The following FGGY variants were observed in gnomAD, a reference collection of about 807,000 sequenced individuals.
FGGY encodes the protein FGGY carbohydrate kinase domain containing, also known as FGGY carbohydrate kinase domain-containing protein.
In FGGY, 72 loss-of-function variants were observed where a neutral mutation model predicts 71.3. That is an observed-to-expected ratio of 1.01 (90% CI 0.84 to 1.23). The LOEUF is 1.23. FGGY is among the 50% of genes most tolerant of loss of function. The pLI, the probability that FGGY is intolerant of heterozygous loss-of-function variation, is 0.00. For synonymous variants in FGGY, 251 were observed against 250.3 expected (o/e 1.00, Z -0.02); for missense variants, 668 against 682.3 (o/e 0.98, Z 0.23).
intron 6 of FGGY, among the ~76,000 whole-genome samples, chr1:59,507,347 A>C (rs2094412547): frequency 6.6e-6 from 1 of 152,218 alleles, no homozygotes; most frequent in Non-Finnish European, 1.5e-5. Context: ...TGTATGAAGA[A>C]ACCTTTAGGC....
At chr1:59,499,073 T>G (rs1056127214) in intron 6 of FGGY, among the ~76,000 whole-genome samples, 4 of 152,176 alleles carry the variant, frequency 2.6e-5, no homozygotes, top group African/African-American at 9.7e-5. Flanking sequence ...TCTCTCACCA[T>G]AGGTTAATGT....
intron 6 of FGGY, among the ~76,000 whole-genome samples, chr1:59,495,227 A>G (rs1326260209): frequency 6.6e-6 from 1 of 152,104 alleles, no homozygotes; most frequent in Non-Finnish European, 1.5e-5. Context: ...TATTCTGGGT[A>G]TTAATCCTTT....
chr1:59,466,203 C>T (rs1378208856), intron 6 of FGGY, among the ~76,000 whole-genome samples: 1 of 152,140 alleles, frequency 6.6e-6, no homozygotes, highest in Non-Finnish European at 1.5e-5. Flanking sequence ...TAACACCACA[C>T]ATCTACAACC....
intron 8 of FGGY, among the ~76,000 whole-genome samples, chr1:59,586,234 A>T (rs1268427349): frequency 6.6e-6 from 1 of 152,224 alleles, no homozygotes; most frequent in East Asian, 1.9e-4. Flanking sequence ...GGCACTATTC[A>T]CAATAGCAAA....
intron 7 of FGGY, among the ~76,000 whole-genome samples, chr1:59,530,607 A>T (rs1409052150): frequency 2.0e-5 from 3 of 152,178 alleles, no homozygotes; most frequent in African/African-American, 7.2e-5. Context: ...TTGGTTTGAC[A>T]CTTAAAGATG....
At chr1:59,703,650 G>A (rs1158957875) in intron 14 of FGGY, among the ~76,000 whole-genome samples, 1 of 152,190 alleles carries the variant, frequency 6.6e-6, no homozygotes, top group Non-Finnish European at 1.5e-5. Flanking sequence ...AGAAGAATAG[G>A]AAGGCTAGTC....
chr1:59,330,305 G>T (rs1170314039), intron 2 of FGGY, among the ~76,000 whole-genome samples: 5 of 152,032 alleles, frequency 3.3e-5, no homozygotes, highest in East Asian at 1.9e-4. Context: ...AAAATGAAGG[G>T]TCAAAAGAAA....
chr1:59,478,905 G>C (rs1161253461), intron 6 of FGGY, among the ~76,000 whole-genome samples: 1 of 152,156 alleles, frequency 6.6e-6, no homozygotes. Context: ...CAAGGATGCT[G>C]AAAAAGGAAG....
chr1:59,562,236 T>C lies in FGGY; in HGVS notation c.903+8009T>C, dbSNP rs72917760. Reference sequence around the variant, plus strand: ...TCCAGCACTGGAAACAACCGAGATATCTTTCAAGAGTGAATAGATCAACTC... The same window carrying C: ...TCCAGCACTGGAAACAACCGAGATACCTTTCAAGAGTGAATAGATCAACTC... On this transcript the variant is annotated intron_variant, in intron 8 of 15. Transcript: ENST00000303721. Among the ~76,000 whole-genome samples, 188 of 152,302 alleles carry C rather than the reference T, an allele frequency of 1.2e-3. 1 individual carries two copies. The highest frequency in any genetic ancestry group is 4.3e-3 in the African/African-American group (177 of 41,564).
chr1:59,731,865 C>G (rs1268575189), intron 14 of FGGY, among the ~76,000 whole-genome samples: 2 of 152,132 alleles, frequency 1.3e-5, no homozygotes, highest in Non-Finnish European at 2.9e-5. Flanking sequence ...TGTTTAAGCT[C>G]TCTTCCCAAT....
chr1:59,508,101 C>A, intron 6 of FGGY, among the ~76,000 whole-genome samples: 1 of 152,202 alleles, frequency 6.6e-6, no homozygotes, highest in East Asian at 1.9e-4. Context: ...CAATCTCCAA[C>A]TTGCCTTTCC....
intron 10 of FGGY, among the ~76,000 whole-genome samples, chr1:59,632,413 G>A (rs1572370648): frequency 6.6e-6 from 1 of 152,002 alleles, no homozygotes; most frequent in Non-Finnish European, 1.5e-5. Flanking sequence ...TTCCTCTGAG[G>A]ACAGCTAATT....
chr1:59,569,367 A>G (rs6666691), intron 8 of FGGY, among the ~76,000 whole-genome samples: 1 of 152,216 alleles, frequency 6.6e-6, no homozygotes, highest in Non-Finnish European at 1.5e-5. Flanking sequence ...ACAATAGAAT[A>G]TATTTCCACA....
intron 5 of FGGY, among the ~76,000 whole-genome samples, chr1:59,430,740 TGTC>T (rs2067200843): frequency 6.6e-6 from 1 of 152,170 alleles, no homozygotes; most frequent in Non-Finnish European, 1.5e-5. Context: ...TATATCTCAG[TGTC>T]GTCAGAGTAC....
intron 8 of FGGY, among the ~76,000 whole-genome samples, chr1:59,584,574 G>T (rs2096251696): frequency 6.7e-6 from 1 of 149,902 alleles, no homozygotes; most frequent in Non-Finnish European, 1.5e-5. Context: ...TACTGAATGG[G>T]CAAAAACTGG....
chr1:59,501,665 C>G (rs548798150), intron 6 of FGGY, among the ~76,000 whole-genome samples: 3 of 152,310 alleles, frequency 2.0e-5, no homozygotes, highest in African/African-American at 7.2e-5. Flanking sequence ...TAAAATAACT[C>G]TAAAGAGAAC....
chr1:59,365,589 A>G (rs527290320), intron 4 of FGGY, among the ~76,000 whole-genome samples: 1 of 152,300 alleles, frequency 6.6e-6, no homozygotes, highest in Admixed American at 6.5e-5. Flanking sequence ...GAACTCAAAC[A>G]TTGGGCTGGG....
At chr1:59,660,665 A>C (rs1572805844) in intron 12 of FGGY, among the ~76,000 whole-genome samples, 1 of 152,348 alleles carries the variant, frequency 6.6e-6, no homozygotes, top group East Asian at 1.9e-4. Context: ...CACTTTGCAA[A>C]AGGATTCATG....
intron 14 of FGGY, among the ~76,000 whole-genome samples, chr1:59,752,410 A>G (rs2098253451): frequency 1.3e-5 from 2 of 152,012 alleles, no homozygotes; most frequent in Admixed American, 1.3e-4. Context: ...ATAGATGGTG[A>G]CTCTGGAATT....
Sources: allele counts gnomAD v4.1 joint callset (sites outside exome capture counted in the v4.1 genomes callset), GRCh38; gene constraint gnomAD v4.1.1; transcripts MANE v1.5; gene names NCBI Gene and HGNC (gene_info 2026-07-23, HGNC 2026-07-21).